PTPRO: variants seen among roughly 807,000 people sequenced by gnomAD.
The protein encoded by PTPRO is receptor-type tyrosine-protein phosphatase O.
PTPRO carries 62 observed loss-of-function variants against 145.2 expected under a neutral mutation model. That is an observed-to-expected ratio of 0.43 (90% CI 0.35 to 0.53). The LOEUF (loss-of-function observed/expected upper bound fraction) is 0.53. PTPRO is among the 20% of genes least tolerant of loss of function. The pLI is 0.01. For synonymous variants in PTPRO, 565 were observed against 514.7 expected (o/e 1.10, Z -1.32); for missense variants, 1,345 against 1,482.7 (o/e 0.91, Z 1.53).
intron 1 of PTPRO, among the ~76,000 whole-genome samples, chr12:15,325,383 G>A (rs1479722432): frequency 1.3e-5 from 2 of 152,184 alleles, no homozygotes; most frequent in Admixed American, 6.5e-5. Context: ...TTGTGCCATC[G>A]TTCCTTATCC....
intron 15 of PTPRO, among the ~76,000 whole-genome samples, chr12:15,557,084 A>T (rs1415964978): frequency 2.7e-5 from 4 of 145,930 alleles, no homozygotes; most frequent in Non-Finnish European, 6.0e-5. Flanking sequence ...TCTGTCACCC[A>T]GGCTGGAGTG....
At chr12:15,444,714 A>G (rs1940858285) in intron 1 of PTPRO, among the ~76,000 whole-genome samples, 1 of 152,010 alleles carries the variant, frequency 6.6e-6, no homozygotes, top group Non-Finnish European at 1.5e-5. Context: ...CCATGTGATG[A>G]CACAGCAAAA....
Position 15,597,267 on chromosome 12 carries a change from A to C in PTPRO, c.*1194A>C, listed in dbSNP as rs934307918. ...GTGACATGAATGCTGTCAAAATGAC[A>C]TTGATGGCATTGTGAAGCCTGTTAC... On this transcript the variant is annotated 3_prime_UTR_variant, in exon 27 of 27. Coordinates refer to ENST00000281171, the MANE Select transcript of PTPRO (RefSeq NM_030667.3). 1 of 152,216 alleles carries C rather than the reference A, an allele frequency of 6.6e-6. No individual in the cohort carries two copies. Among genetic ancestry groups the C allele is most frequent in the Non-Finnish European group, 1.5e-5 (1 of 68,040 alleles). 9.4% of individuals were successfully genotyped at this position (152,216 alleles called of 1,614,324 possible).
chr12:15,410,531 C>T (rs1939770763), intron 1 of PTPRO: 1 of 152,186 alleles, frequency 6.6e-6, no homozygotes, highest in South Asian at 2.1e-4. Flanking sequence ...CACCATTGAC[C>T]CTCTAGCTTT....
intron 18 of PTPRO, among the ~76,000 whole-genome samples, chr12:15,566,172 C>G (rs1943893190): frequency 6.6e-6 from 1 of 152,126 alleles, no homozygotes; most frequent in Non-Finnish European, 1.5e-5. Context: ...TGAAAATTAA[C>G]CCCCAGTTGA....
intron 25 of PTPRO, 53 bp downstream of exon 25, chr12:15,589,643 AC>A: frequency 6.3e-7 from 1 of 1,597,028 alleles, no homozygotes; most frequent in Non-Finnish European, 8.6e-7. Flanking sequence ...TGAAAAACTT[AC>A]CATTATTCAA....
intron 1 of PTPRO, among the ~76,000 whole-genome samples, chr12:15,363,001 C>T (rs1445979223): frequency 2.0e-5 from 3 of 152,010 alleles, no homozygotes; most frequent in Non-Finnish European, 4.4e-5. Flanking sequence ...GCTTTTTAAA[C>T]TTAGTAATTC....
rs1944662418 is a variant in PTPRO at position 15,596,488 on chromosome 12, C to T, written c.*415C>T. 1 of 152,586 alleles carries T rather than the reference C, an allele frequency of 6.6e-6. No homozygotes were observed. The allele number at this position is 152,586 out of a possible 1,614,324, so 9.5% of individuals were successfully genotyped here. On this transcript the variant is annotated 3_prime_UTR_variant, in exon 27 of 27. Coordinates refer to ENST00000281171, the MANE Select transcript of PTPRO (RefSeq NM_030667.3). ...TGAATTGTTTTCTGCCTACACCGTT[C>T]ATCAGCCCCATAACCCAGGAAGGAA...
At chr12:15,526,664 T>A (rs1485531960) in intron 12 of PTPRO, among the ~76,000 whole-genome samples, 1 of 152,124 alleles carries the variant, frequency 6.6e-6, no homozygotes, top group African/African-American at 2.4e-5. Context: ...ATTGATTTTT[T>A]AAATTTTATA....
chr12:15,478,083 AT>A (rs1321410252), intron 1 of PTPRO, among the ~76,000 whole-genome samples: 6 of 152,152 alleles, frequency 3.9e-5, no homozygotes, highest in Admixed American at 3.9e-4. Context: ...CACACCCACT[AT>A]TGATTCGACA....
chr12:15,380,111 TAAAC>T (rs947672320), intron 1 of PTPRO, among the ~76,000 whole-genome samples: 1 of 152,160 alleles, frequency 6.6e-6, no homozygotes. Context: ...CACTTGGCCT[TAAAC>T]AAGTTACTTG....
chr12:15,506,446 G>T (rs1336320597), intron 6 of PTPRO, among the ~76,000 whole-genome samples: 1 of 152,168 alleles, frequency 6.6e-6, no homozygotes, highest in Admixed American at 6.6e-5. Flanking sequence ...CTACTATAAA[G>T]AACTACTTGA....
chr12:15,496,142 G>GTTTTTTTTTTTTTTT (rs71042255), intron 2 of PTPRO, among the ~76,000 whole-genome samples: 5 of 75,362 alleles, frequency 6.6e-5, no homozygotes, highest in Admixed American at 3.8e-4. Context: ...TTCTTTTTTT[G>GTTTTTTTTTTTTTTT]TTTTTTTTTT....
chr12:15,325,388 T>G (rs1866416484), intron 1 of PTPRO, among the ~76,000 whole-genome samples: 1 of 152,226 alleles, frequency 6.6e-6, no homozygotes, highest in African/African-American at 2.4e-5. Context: ...CCATCGTTCC[T>G]TATCCATGGA....
chr12:15,496,641 G>A (rs1435486268), intron 2 of PTPRO, among the ~76,000 whole-genome samples: 4 of 152,128 alleles, frequency 2.6e-5, no homozygotes, highest in African/African-American at 7.2e-5. Flanking sequence ...AAATAGAAAT[G>A]TTTTCTTTAA....
intron 17 of PTPRO, among the ~76,000 whole-genome samples, chr12:15,562,729 T>C (rs1943804409): frequency 7.0e-6 from 1 of 141,970 alleles, no homozygotes; most frequent in Non-Finnish European, 1.5e-5. Context: ...ATATCTAGAT[T>C]CAGTGTTAAA....
At chr12:15,363,029 C>T (rs1390103645) in intron 1 of PTPRO, among the ~76,000 whole-genome samples, 1 of 152,018 alleles carries the variant, frequency 6.6e-6, no homozygotes, top group African/African-American at 2.4e-5. Context: ...TCTTGGAACA[C>T]TTGCAAAATG....
intron 10 of PTPRO, among the ~76,000 whole-genome samples, chr12:15,523,091 G>A (rs1325284604): frequency 6.6e-6 from 1 of 152,134 alleles, no homozygotes; most frequent in Non-Finnish European, 1.5e-5. Flanking sequence ...AGATTTTATT[G>A]CTAAGCATAC....
intron 1 of PTPRO, among the ~76,000 whole-genome samples, chr12:15,405,106 A>C (rs1485107432): frequency 1.3e-5 from 2 of 152,132 alleles, no homozygotes; most frequent in Non-Finnish European, 2.9e-5. Context: ...ATATCATCAC[A>C]TGGGGGATTA....
Sources: allele counts gnomAD v4.1 joint callset (sites outside exome capture counted in the v4.1 genomes callset), GRCh38; gene constraint gnomAD v4.1.1; transcripts MANE v1.5; gene names NCBI Gene and HGNC (gene_info 2026-07-23, HGNC 2026-07-21).